VILL: variants seen among roughly 807,000 people sequenced by gnomAD.
VILL encodes the protein villin-like protein.
Under a neutral mutation model 106.3 loss-of-function variants are expected in VILL, and 102 were observed. The observed-to-expected ratio is 0.96, with a 90% confidence interval of 0.82 to 1.13. The LOEUF (loss-of-function observed/expected upper bound fraction) is 1.13, where lower values mean the gene tolerates loss of function less well. Among genes scored for constraint, VILL ranks in the 50% most tolerant of loss-of-function variants. The pLI, the probability that VILL is intolerant of heterozygous loss-of-function variation, is 0.00. For missense variants in VILL, 1,076 were observed against 1,116.6 expected, an observed-to-expected ratio of 0.96 and a Z score of 0.52; for synonymous variants, 431 against 440.3, an observed-to-expected ratio of 0.98 and a Z score of 0.27.
chr3:38,000,428 T>G (rs1326675579), intron 11 of VILL, among the ~76,000 whole-genome samples: 399 of 96,088 alleles, frequency 4.2e-3, no homozygotes, highest in Middle Eastern at 0.011. Context: ...GAGGAGGAGG[T>G]GGGGTGGAGG....
rs373396900 is a variant in VILL at position 38,006,977 on chromosome 3, T to C, written c.2493T>C (p.Phe831=). 1.9e-6 allele frequency: 3 copies of C among 1,613,958 alleles called. No homozygotes were observed. Among genetic ancestry groups the C allele is most frequent in the Non-Finnish European group, 2.5e-6 (3 of 1,180,006 alleles). ...CAGACTCTGACTTCCAAGATATCTTTGGGAAATCCAAGGAGGAATTCTACA... is the reference window on the plus strand; with the variant it reads ...CAGACTCTGACTTCCAAGATATCTTCGGGAAATCCAAGGAGGAATTCTACA... ...YLSDSDFQDI[F]GKSKEEFYSM... is the part of the protein sequence containing the mutation. The change falls in exon 20 of 20, where the codon TTT becomes TTC. Residue 831 remains phenylalanine (F), a synonymous_variant. Coordinates refer to ENST00000383759, the MANE Select transcript of VILL (RefSeq NM_015873.4).
At chr3:38,002,629 G>A (rs938958502) in intron 14 of VILL, 54 bp downstream of exon 14, 35 of 1,572,640 alleles carry the variant, frequency 2.2e-5, no homozygotes, top group South Asian at 2.1e-4. Flanking sequence ...GTGCCAGGCT[G>A]GGGGTGGGTC....
chr3:38,005,987 T>C lies in VILL; in HGVS notation c.2133+13T>C. The C allele has an allele frequency of 1.2e-6, 2 of 1,605,118 alleles. No homozygotes were observed. Among genetic ancestry groups the C allele is most frequent in the Non-Finnish European group, 1.7e-6 (2 of 1,173,968 alleles). On this transcript the variant is annotated intron_variant, in intron 17 of 19. Coordinates refer to ENST00000383759, the MANE Select transcript of VILL (RefSeq NM_015873.4). ...CTACAAGTGGACTGTGAGTGAGGCC[T>C]GAAACCCCCAGCCCTACCCTAATTT... is the stretch of plus-strand genomic sequence containing the variant.
Position 37,997,017 on chromosome 3 carries a change from T to C in VILL, c.451-60T>C, listed in dbSNP as rs1273706126. 6.7e-6 allele frequency: 10 copies of C among 1,483,924 alleles called. No homozygotes were observed. The highest frequency in any genetic ancestry group is 1.8e-4 in the Middle Eastern group (1 of 5,624). 91.9% of individuals were successfully genotyped at this position (1,483,924 alleles called of 1,614,324 possible). A position where few individuals can be genotyped will look rare whatever the true frequency, so the allele number is the denominator to read the frequency against. The stretch of plus-strand genomic sequence containing the variant: ...ATGCACACGTGACACATCCCAGCTA[T>C]GCTCCCCTCTAGCGGATGCTGGTGG... On this transcript the variant is annotated intron_variant, in intron 5 of 19. Transcript: ENST00000383759. This position sits in a 1 kb window ranked among gnomAD's most constrained non-coding sequence, Gnocchi z 4.7.
In VILL at chr3:38,005,899, C is replaced by T. The variant is rs759852804; in HGVS notation, c.2058C>T (p.Ile686=). The part of the protein sequence containing the change: ...HPAGRSPATP[I]VLVKQGHEPP... Reference sequence around the variant, plus strand: ...CAGGGAGGAGCCCGGCCACACCCATCGTGCTGGTCAAGCAGGGCCATGAGC... The same window carrying T: ...CAGGGAGGAGCCCGGCCACACCCATTGTGCTGGTCAAGCAGGGCCATGAGC... Residue 686 remains isoleucine, a synonymous_variant, in exon 17 of 20, where the codon ATC becomes ATT. Transcript: ENST00000383759. The T allele has an allele frequency of 1.6e-5, 26 of 1,614,054 alleles. No homozygotes were observed. The highest frequency in any genetic ancestry group is 2.2e-5 in the Non-Finnish European group (26 of 1,180,026).
intron 5 of VILL, 86 bp downstream of exon 5, chr3:37,995,933 G>A: frequency 1.8e-6 from 2 of 1,103,562 alleles, no homozygotes; most frequent in Non-Finnish European, 2.7e-6. Context: ...AATTGGCTGG[G>A]GTTGTGGGGA....
chr3:37,997,354 T>C lies in VILL; in HGVS notation c.562-129T>C, dbSNP rs1699721718. 1.7e-6 allele frequency: 2 copies of C among 1,191,436 alleles called. No individual in the cohort carries two copies. The highest frequency in any genetic ancestry group is 2.4e-6 in the Non-Finnish European group (2 of 836,024). 73.8% of individuals were successfully genotyped at this position (1,191,436 alleles called of 1,614,324 possible). ...AGACCCTGCATTGTTGGTGTCCCCC[T>C]GGATGCCAGGATGAGGGGACATCAG... is the stretch of plus-strand genomic sequence containing the variant. On this transcript the variant is annotated intron_variant, in intron 6 of 19. Coordinates refer to ENST00000383759, the MANE Select transcript of VILL (RefSeq NM_015873.4). This position sits in a 1 kb window ranked among gnomAD's most constrained non-coding sequence, Gnocchi z 4.7.
chr3:37,995,454 A>G (rs978161123), intron 4 of VILL, among the ~76,000 whole-genome samples: 1 of 152,036 alleles, frequency 6.6e-6, no homozygotes, highest in African/African-American at 2.4e-5. Flanking sequence ...ACTTACAGGG[A>G]TAAACAAATA....
At chr3:37,990,438 G>A (rs1575331868), upstream of VILL, among the ~76,000 whole-genome samples, 4 of 152,252 alleles carry the variant, frequency 2.6e-5, no homozygotes, top group South Asian at 8.3e-4. This position sits in a 1 kb window ranked among gnomAD's most constrained non-coding sequence, Gnocchi z 5.1. Flanking sequence ...TGGTCCAGGC[G>A]GAGCCCACCA....
At chr3:38,004,827 A>G (rs930903676) in intron 16 of VILL, among the ~76,000 whole-genome samples, 1 of 152,204 alleles carries the variant, frequency 6.6e-6, no homozygotes, top group African/African-American at 2.4e-5. Flanking sequence ...ACACTTTGTC[A>G]GTGACTGTGA....
upstream of VILL, among the ~76,000 whole-genome samples, chr3:37,989,802 A>G (rs533945477): frequency 6.6e-6 from 1 of 152,294 alleles, no homozygotes; most frequent in South Asian, 2.1e-4. Flanking sequence ...AGGCAATGGC[A>G]CACATGGGGA....
rs1204244883 is a variant in VILL, at chr3:37,997,989, T to C, written c.765-101T>C. On this transcript the variant is annotated intron_variant, in intron 7 of 19. Transcript: ENST00000383759. The surrounding 1 kb of genome is among the most constrained non-coding windows in gnomAD (Gnocchi z 4.7). Reference sequence around the variant, plus strand: ...AACTCGGGGCCCCAGCCCCCATGCCTTCTGTCTCTGAGGGACTGGGGTGGG... The same window carrying C: ...AACTCGGGGCCCCAGCCCCCATGCCCTCTGTCTCTGAGGGACTGGGGTGGG... 5 of 1,253,632 alleles carry C rather than the reference T, an allele frequency of 4.0e-6. No homozygotes were observed. The highest frequency in any genetic ancestry group is 2.6e-5 in the East Asian group (1 of 39,154). The allele number at this position is 1,253,632 out of a possible 1,614,324, so 77.7% of individuals were successfully genotyped here.
At position 38,003,524 on chromosome 3, in the gene VILL, G is replaced by A. The variant is rs1252418211; in HGVS notation, c.1805+211G>A. The A allele has an allele frequency of 4.9e-6, 3 of 614,900 alleles. No homozygotes were observed. In the East Asian group the frequency reaches 9.3e-5, roughly 19 times the overall value. The allele number at this position is 614,900 out of a possible 1,614,324, so 38.1% of individuals were successfully genotyped here. A position where few individuals can be genotyped will look rare whatever the true frequency, so the allele number is the denominator to read the frequency against. On this transcript the variant is annotated intron_variant, in intron 15 of 19. Coordinates refer to ENST00000383759, the MANE Select transcript of VILL (RefSeq NM_015873.4). The stretch of plus-strand genomic sequence containing the variant: ...GCGTCTCTCAGATGCTGGGGAGAGT[G>A]GGGGCAGTGGCGACCTCTGCTGGCA...
At chr3:38,006,015 G>T (rs764323712) in intron 17 of VILL, 41 bp downstream of exon 17, 1 of 1,594,094 alleles carries the variant, frequency 6.3e-7, no homozygotes, top group Admixed American at 1.7e-5. Context: ...CCTAATTTGT[G>T]GGGAGAGGAA....
In VILL at chr3:37,997,435, T is replaced by C. The variant is rs919487314; in HGVS notation, c.562-48T>C. On this transcript the variant is annotated intron_variant, in intron 6 of 19. Transcript: ENST00000383759. The surrounding 1 kb of genome is among the most constrained non-coding windows in gnomAD (Gnocchi z 4.7). ...GCAGTGACAGGAGAAGTCTCTGCTG[T>C]GAGAGGGCACACTGGTGACACCCTG... The C allele has an allele frequency of 1.3e-6, 2 of 1,592,360 alleles. No individual in the cohort carries two copies. Among genetic ancestry groups the C allele is most frequent in the Non-Finnish European group, 1.7e-6 (2 of 1,166,362 alleles).
chr3:37,998,056 T>G lies in VILL; in HGVS notation c.765-34T>G. ...GAGTGGAGACAGATCAGGGAGGGGC[T>G]GGGCTGGCCACTCCTGGGTTCCTGT... On this transcript the variant is annotated intron_variant, in intron 7 of 19. Transcript: ENST00000383759. The surrounding 1 kb of genome is among the most constrained non-coding windows in gnomAD (Gnocchi z 4.1). 6.4e-7 allele frequency: 1 copy of G among 1,565,972 alleles called. No individual in the cohort carries two copies. The highest frequency in any genetic ancestry group is 1.2e-5 in the South Asian group (1 of 86,328).
chr3:37,998,990 A>G lies in VILL; in HGVS notation c.1021A>G (p.Lys341Glu), dbSNP rs1699759089. 6.2e-7 allele frequency: 1 copy of G among 1,609,934 alleles called. No individual in the cohort carries two copies. Among genetic ancestry groups the G allele is most frequent in the Non-Finnish European group, 8.5e-7 (1 of 1,178,308 alleles). The stretch of plus-strand genomic sequence containing the variant: ...CGACGGCGCCGAGTCGGCCGCGTTC[A>G]AGCAGCTCTTCCGGACTTGGTCTGA... The part of the protein sequence containing the change: ...VNDGAESAAF[K>E]QLFRTWSEKR... The change falls in exon 10 of 20, where the codon AAG becomes GAG. Residue 341 changes from lysine (K) to glutamate (E), a missense_variant. Transcript: ENST00000383759. The surrounding 1 kb of genome is among the most constrained non-coding windows in gnomAD (Gnocchi z 4.1).
At position 37,998,905 on chromosome 3, in the gene VILL, G is replaced by A. The variant is rs756386762; in HGVS notation, c.943-7G>A. 7 of 1,587,468 alleles carry A rather than the reference G, an allele frequency of 4.4e-6. No homozygotes were observed. Among genetic ancestry groups the A allele is most frequent in the Non-Finnish European group, 6.0e-6 (7 of 1,160,406 alleles). The stretch of plus-strand genomic sequence containing the variant: ...GGTCGCAGGACTGACGATGCCTTCC[G>A]CCCCAGGGCTTCATCCAGGCCAAGG... On this transcript the variant is annotated splice_polypyrimidine_tract_variant and splice_region_variant and intron_variant, in intron 9 of 19. Coordinates refer to ENST00000383759, the MANE Select transcript of VILL (RefSeq NM_015873.4). This position sits in a 1 kb window ranked among gnomAD's most constrained non-coding sequence, Gnocchi z 4.1.
At chr3:37,996,485 G>C (rs887958223) in intron 5 of VILL, among the ~76,000 whole-genome samples, 19 of 152,170 alleles carry the variant, frequency 1.2e-4, no homozygotes, top group Non-Finnish European at 2.2e-4. Flanking sequence ...CCAGAATTTG[G>C]TGTAATGAAC....
Sources: gnomAD v4.1 joint callset for allele counts (sites outside exome capture counted in the v4.1 genomes callset) on GRCh38, gnomAD v4.1.1 for gene constraint, Gnocchi (gnomAD v3.1) non-coding constraint, MANE v1.5 for transcripts, NCBI Gene and HGNC (gene_info 2026-07-23, HGNC 2026-07-21) for gene names.